The following ABCA4 variants were observed in gnomAD, a reference collection of about 807,000 sequenced individuals.
The protein encoded by ABCA4 is retinal-specific phospholipid-transporting ATPase ABCA4.
ABCA4 carries 196 observed loss-of-function variants against 263.7 expected under a neutral mutation model. The ratio of observed to expected loss-of-function variants is 0.74; its 90% CI spans 0.66 to 0.84. ABCA4 has a LOEUF of 0.84. Among genes scored for constraint, ABCA4 ranks in the 40% least tolerant of loss-of-function variants. The probability of loss-of-function intolerance (pLI) is 0.00; values close to 1 mark genes in which losing one functional copy is unlikely to be tolerated. For missense variants in ABCA4, 2,792 were observed against 2,855.1 expected (o/e 0.98, Z 0.50); for synonymous variants, 1,133 against 1,094.2 (o/e 1.04, Z -0.70).
At chr1:94,032,073 G>C in intron 26 of ABCA4, 30 bp from the exon 27 acceptor site, 1 of 1,603,754 alleles carries the variant, frequency 6.2e-7, no homozygotes, top group Non-Finnish European at 8.5e-7. Context: ...TAATAATTTG[G>C]AAAATGCCTA....
intron 7 of ABCA4, among the ~76,000 whole-genome samples, chr1:94,082,850 A>T (rs1661737816): frequency 6.6e-6 from 1 of 152,234 alleles, no homozygotes; most frequent in Non-Finnish European, 1.5e-5. Context: ...TTGTGCAATC[A>T]GATGTTAATT....
At chr1:94,011,639 A>G (rs761064475) in intron 38 of ABCA4, among the ~76,000 whole-genome samples, 65 of 152,226 alleles carry the variant, frequency 4.3e-4, no homozygotes, top group Non-Finnish European at 6.8e-4. Context: ...CCAATCAAGG[A>G]CTGGGGCTCC....
At chr1:94,066,068 C>T (rs910600185) in intron 11 of ABCA4, among the ~76,000 whole-genome samples, 9 of 152,232 alleles carry the variant, frequency 5.9e-5, no homozygotes, top group African/African-American at 2.2e-4. Context: ...ATGTTTGTTT[C>T]TTCTGGACAG....
chr1:94,010,812 A>T lies in ABCA4; in HGVS notation c.5702T>A (p.Phe1901Tyr). The change falls in exon 40 of 50, where the codon TTC becomes TAC. Residue 1901 changes from phenylalanine (F) to tyrosine (Y), a missense_variant. Physicochemically the swap from Phe to Tyr is conservative, Grantham distance 22. Coordinates refer to ENST00000370225, the MANE Select transcript of ABCA4 (RefSeq NM_000350.3). ...LLTLLVQRHF[F>Y]LSQWIAEPTK... Reference sequence around the variant, plus strand: ...GGCATGGACGTACCATTGGGAGAGGAAGAAGTGGCGCTGGACCAGCAGGGT... The same window carrying T: ...GGCATGGACGTACCATTGGGAGAGGTAGAAGTGGCGCTGGACCAGCAGGGT... 6.2e-7 allele frequency: 1 copy of T among 1,614,044 alleles called. No individual in the cohort carries two copies. Among genetic ancestry groups the T allele is most frequent in the Non-Finnish European group, 8.5e-7 (1 of 1,179,994 alleles).
intron 16 of ABCA4, among the ~76,000 whole-genome samples, chr1:94,054,226 A>G (rs1660912316): frequency 6.6e-6 from 1 of 152,256 alleles, no homozygotes; most frequent in South Asian, 2.1e-4. Flanking sequence ...GTCAGGCACT[A>G]TTCTGGGCAC....
chr1:94,121,052 G>C lies in ABCA4; in HGVS notation c.-7C>G. The C allele has an allele frequency of 6.2e-7, 1 of 1,614,074 alleles. No individual in the cohort carries two copies. The highest frequency in any genetic ancestry group is 8.5e-7 in the Non-Finnish European group (1 of 1,180,006). Reference sequence around the variant, plus strand: ...TCTGTCTCACGAAGCCCATGCTAATGACCACACGAAGACCAGATTGGTCAG... The same window carrying C: ...TCTGTCTCACGAAGCCCATGCTAATCACCACACGAAGACCAGATTGGTCAG... On this transcript the variant is annotated 5_prime_UTR_variant, in exon 1 of 50. Transcript: ENST00000370225.
At chr1:94,007,438 A>G (rs775442923) in intron 43 of ABCA4, among the ~76,000 whole-genome samples, 196 bp downstream of exon 43, 13 of 151,670 alleles carry the variant, frequency 8.6e-5, no homozygotes, top group Non-Finnish European at 1.5e-4. Context: ...TCTCTTAACT[A>G]TCACAATTCA....
intron 48 of ABCA4, 117 bp downstream of exon 48, chr1:93,997,744 G>GGCAA: frequency 1.5e-6 from 2 of 1,359,708 alleles, no homozygotes; most frequent in Non-Finnish European, 2.0e-6. Flanking sequence ...ATAAACAGAG[G>GGCAA]GCAAGAGTTT....
At chr1:94,095,749 GT>G (rs4147879) in intron 6 of ABCA4, among the ~76,000 whole-genome samples, 1,726 of 136,904 alleles carry the variant, frequency 0.013, 34 homozygotes, top group African/African-American at 0.042. Context: ...TTTCTTTCAG[GT>G]TTTTTTTTTT....
At chr1:94,048,791 G>C (rs894736929) in intron 18 of ABCA4, 77 bp downstream of exon 18, 1 of 1,376,116 alleles carries the variant, frequency 7.3e-7, no homozygotes, top group African/African-American at 1.4e-5. Context: ...CTTGCCATGA[G>C]ATGTTTTGCT....
rs61750637 is a variant in ABCA4, at chr1:94,008,298, CT to C, written c.5836-2del. 1.2e-6 allele frequency: 2 copies of C among 1,614,060 alleles called. No homozygotes were observed. The highest frequency in any genetic ancestry group is 1.7e-6 in the Non-Finnish European group (2 of 1,179,954). The stretch of plus-strand genomic sequence containing the variant: ...CTGGGCTGGAGGTGCCTGGATAAAT[CT>C]GCAAGATACGAAGAAACCGGACTGA... On this transcript the variant is annotated splice_acceptor_variant, in intron 41 of 49. Transcript: ENST00000370225. LOFTEE classifies it high-confidence loss of function.
intron 11 of ABCA4, among the ~76,000 whole-genome samples, chr1:94,069,662 A>G (rs1661355708): frequency 6.6e-6 from 1 of 152,234 alleles, no homozygotes; most frequent in African/African-American, 2.4e-5. Flanking sequence ...TGGCTAATCT[A>G]AACAGTAACA....
intron 5 of ABCA4, among the ~76,000 whole-genome samples, chr1:94,099,704 C>A (rs377340828): frequency 1.1e-4 from 17 of 152,188 alleles, no homozygotes; most frequent in African/African-American, 3.9e-4. Context: ...CTTTTTAGTA[C>A]AAATATGTCC....
chr1:94,058,181 C>T (rs1162245749), intron 14 of ABCA4, among the ~76,000 whole-genome samples: 1 of 152,140 alleles, frequency 6.6e-6, no homozygotes, highest in Non-Finnish European at 1.5e-5. Context: ...CCACGCTTAA[C>T]TGGAACCCAA....
At chr1:94,002,858 T>G (rs57922149) in intron 44 of ABCA4, among the ~76,000 whole-genome samples, 19,386 of 152,128 alleles carry the variant, frequency 0.13, 2,062 homozygotes, top group African/African-American at 0.29. Flanking sequence ...TACCTATTTA[T>G]CTACAGATCG....
At chr1:94,078,173 GTTTTC>G (rs901981583) in intron 10 of ABCA4, among the ~76,000 whole-genome samples, 5 of 152,100 alleles carry the variant, frequency 3.3e-5, no homozygotes, top group African/African-American at 1.2e-4. Flanking sequence ...GGATATTTTT[GTTTTC>G]TTTTGAGTGT....
intron 1 of ABCA4, among the ~76,000 whole-genome samples, chr1:94,117,185 G>T (rs1170869728): frequency 6.6e-6 from 1 of 151,750 alleles, no homozygotes; most frequent in East Asian, 1.9e-4. Flanking sequence ...TTAGAACTGA[G>T]CCTGTTAAAT....
rs200849015 is a variant in ABCA4 at position 94,011,268 on chromosome 1, G to A, written c.5578C>T (p.Arg1860Trp). Residue 1860 changes from arginine to tryptophan, a missense_variant, in exon 39 of 50, where the codon CGG becomes TGG. Transcript: ENST00000370225. ...GGCCTCGGCTACCACCCACCAAACCGGGCATAGACATCTGTCACAGCCTGG... is the reference window on the plus strand; with the variant it reads ...GGCCTCGGCTACCACCCACCAAACCAGGCATAGACATCTGTCACAGCCTGG... The part of the protein sequence containing the change: ...LSQAVTDVYA[R>W]FGEEHSANPF... The A allele has an allele frequency of 2.7e-5, 44 of 1,613,920 alleles. No homozygotes were observed. Among genetic ancestry groups the A allele is most frequent in the Non-Finnish European group, 3.4e-5 (40 of 1,180,022 alleles).
chr1:94,110,910 C>T (rs1016224990), intron 3 of ABCA4, among the ~76,000 whole-genome samples: 46 of 152,132 alleles, frequency 3.0e-4, no homozygotes, highest in African/African-American at 1.0e-3. Context: ...TCCAGGGGGC[C>T]GATGGCAATT....
Sources: allele counts gnomAD v4.1 joint callset (sites outside exome capture counted in the v4.1 genomes callset), GRCh38; gene constraint gnomAD v4.1.1; transcripts MANE v1.5; gene names NCBI Gene and HGNC (gene_info 2026-07-23, HGNC 2026-07-21).